UBE3C: variants seen among roughly 807,000 people sequenced by gnomAD.
UBE3C encodes the protein ubiquitin protein ligase E3C, also known as ubiquitin-protein ligase E3C.
A neutral mutation model predicts 129.4 loss-of-function variants in UBE3C; 42 were observed. That is an observed-to-expected ratio of 0.32 (90% CI 0.25 to 0.42). UBE3C has a LOEUF of 0.42. Among genes scored for constraint, UBE3C ranks in the 10% least tolerant of loss-of-function variants. The pLI, the probability that UBE3C is intolerant of heterozygous loss-of-function variation, is 1.00. For synonymous variants in UBE3C, 510 were observed against 492.4 expected (o/e 1.04, Z -0.47); for missense variants, 1,049 against 1,319.1 (o/e 0.80, Z 3.17).
intron 13 of UBE3C, among the ~76,000 whole-genome samples, chr7:157,209,871 T>A (rs1809540852): frequency 6.6e-6 from 1 of 152,238 alleles, no homozygotes; most frequent in South Asian, 2.1e-4. Context: ...ACTTTATTCA[T>A]CATTGAAAGT....
intron 1 of UBE3C, among the ~76,000 whole-genome samples, chr7:157,159,985 A>C (rs1808024719): frequency 2.0e-5 from 3 of 152,210 alleles, no homozygotes; most frequent in Non-Finnish European, 4.4e-5. Context: ...GATTATAAAC[A>C]GTTTCTTTTA....
chr7:157,233,390 G>C (rs1026315143), intron 18 of UBE3C, among the ~76,000 whole-genome samples: 6 of 152,126 alleles, frequency 3.9e-5, no homozygotes, highest in Non-Finnish European at 8.8e-5. Context: ...GAGGCCTCCT[G>C]CTTTCAGCCT....
intron 17 of UBE3C, among the ~76,000 whole-genome samples, chr7:157,226,312 A>G (rs1190671071): frequency 6.6e-6 from 1 of 152,200 alleles, no homozygotes; most frequent in African/African-American, 2.4e-5. Context: ...CTGTGATAGC[A>G]TTTGGAGCTC....
At chr7:157,160,951 G>A (rs989070042) in intron 1 of UBE3C, among the ~76,000 whole-genome samples, 3 of 152,060 alleles carry the variant, frequency 2.0e-5, no homozygotes, top group African/African-American at 4.8e-5. Context: ...TCCTTATTTC[G>A]TAACCTTACT....
Position 157,170,465 on chromosome 7 carries a change from C to A in UBE3C, c.342+15C>A. The stretch of plus-strand genomic sequence containing the variant: ...CAAAACGTTTGGTGAGTGTTAACTA[C>A]ATTTTCACTTGTCCTCGTTTACACG... On this transcript the variant is annotated intron_variant, in intron 4 of 22. Coordinates refer to ENST00000348165, the MANE Select transcript of UBE3C (RefSeq NM_014671.3). 6.6e-7 allele frequency: 1 copy of A among 1,515,150 alleles called. No individual in the cohort carries two copies. Among genetic ancestry groups the A allele is most frequent in the Non-Finnish European group, 8.8e-7 (1 of 1,136,124 alleles). 93.9% of individuals were successfully genotyped at this position (1,515,150 alleles called of 1,614,324 possible). A position where few individuals can be genotyped will look rare whatever the true frequency, so the allele number is the denominator to read the frequency against.
chr7:157,241,922 A>G (rs1267733518), intron 18 of UBE3C, among the ~76,000 whole-genome samples: 3 of 152,192 alleles, frequency 2.0e-5, no homozygotes, highest in African/African-American at 7.2e-5. Context: ...CACCAAAGAC[A>G]TGGTTCCATT....
intron 4 of UBE3C, among the ~76,000 whole-genome samples, chr7:157,171,692 T>A (rs1268777118): frequency 0.037 from 382 of 10,380 alleles, 2 homozygotes; most frequent in East Asian, 0.088. Flanking sequence ...ATATATTTTT[T>A]TTTTTTTTTT....
At position 157,182,256 on chromosome 7, in the gene UBE3C, A is replaced by G. The variant is rs374015092; in HGVS notation, c.919A>G (p.Arg307Gly). The change falls in exon 8 of 23, where the codon AGA (arginine) becomes GGA (glycine). Residue 307 changes from arginine (R) to glycine (G), a missense_variant. Around this residue, in one of 4 missense-constraint regions of UBE3C, gnomAD observed 489 missense variants for 513.8 expected, o/e 0.95. Transcript: ENST00000348165. ...FLNALLLIESRCSRKSGGAPW... is the reference protein window; with the variant it reads ...FLNALLLIESGCSRKSGGAPW... ...GAATGCACTGTTGTTAATAGAGAGT[A>G]GATGTTCAAGAAAGAGTGGTGGAGC... The G allele has an allele frequency of 5.3e-5, 85 of 1,614,128 alleles. No homozygotes were observed. The highest frequency in any genetic ancestry group is 6.9e-5 in the Non-Finnish European group (81 of 1,180,046).
intron 21 of UBE3C, among the ~76,000 whole-genome samples, chr7:157,255,597 A>G (rs1477173290): frequency 6.6e-6 from 1 of 152,178 alleles, no homozygotes; most frequent in Non-Finnish European, 1.5e-5. Context: ...GGTTGTTTTC[A>G]TTACCCATCT....
intron 1 of UBE3C, among the ~76,000 whole-genome samples, chr7:157,156,221 G>A (rs890897469): frequency 1.3e-5 from 2 of 151,662 alleles, no homozygotes; most frequent in Non-Finnish European, 2.9e-5. Context: ...ATAAGTACAT[G>A]GGTGATCATT....
chr7:157,234,433 C>T (rs1176637), intron 18 of UBE3C, among the ~76,000 whole-genome samples: 34 of 152,256 alleles, frequency 2.2e-4, no homozygotes, highest in Non-Finnish European at 4.4e-4. Context: ...TGGGTCTGCC[C>T]TTATGCAGTA....
chr7:157,247,373 TA>T (rs1455937218), intron 18 of UBE3C, among the ~76,000 whole-genome samples: 1 of 152,192 alleles, frequency 6.6e-6, no homozygotes. Context: ...CAAGGAATGG[TA>T]ACTGTTGTCT....
Position 157,254,338 on chromosome 7 carries a change from C to G in UBE3C, c.2950+28C>G, listed in dbSNP as rs553101888. 205 of 1,373,130 alleles carry G rather than the reference C, an allele frequency of 1.5e-4. 6 individuals carry two copies. In the South Asian group the frequency reaches 3.8e-3, roughly 25 times the overall value. 85.1% of individuals were successfully genotyped at this position (1,373,130 alleles called of 1,614,324 possible). A position where few individuals can be genotyped will look rare whatever the true frequency, so the allele number is the denominator to read the frequency against. ...ATGTTATCACTGCTAGTTATTGTTT[C>G]TGAAAATGTTGCAGGTGGTCATATT... is the stretch of plus-strand genomic sequence containing the variant. On this transcript the variant is annotated intron_variant, in intron 21 of 22. Coordinates refer to ENST00000348165, the MANE Select transcript of UBE3C (RefSeq NM_014671.3).
chr7:157,196,507 A>C (rs1282073241), intron 10 of UBE3C, among the ~76,000 whole-genome samples: 1 of 152,200 alleles, frequency 6.6e-6, no homozygotes, highest in Non-Finnish European at 1.5e-5. Flanking sequence ...CTTGTTCTGG[A>C]GAAGACGTTC....
At chr7:157,216,143 C>G (rs929404503) in intron 13 of UBE3C, among the ~76,000 whole-genome samples, 2 of 152,192 alleles carry the variant, frequency 1.3e-5, no homozygotes, top group East Asian at 1.9e-4. Flanking sequence ...ACTCCATTTG[C>G]TTACGTGAGG....
At chr7:157,174,544 G>A (rs943817832) in intron 4 of UBE3C, among the ~76,000 whole-genome samples, 6 of 151,926 alleles carry the variant, frequency 3.9e-5, no homozygotes, top group Non-Finnish European at 7.4e-5. Context: ...CCCACACCCC[G>A]CAAGTTCAAG....
chr7:157,147,542 C>G (rs1807640442), intron 1 of UBE3C, among the ~76,000 whole-genome samples: 1 of 152,070 alleles, frequency 6.6e-6, no homozygotes, highest in African/African-American at 2.4e-5. Flanking sequence ...CTAAGACCAT[C>G]AGAAAGCAAT....
intron 5 of UBE3C, among the ~76,000 whole-genome samples, chr7:157,178,412 T>C (rs1808581603): frequency 6.6e-6 from 1 of 152,260 alleles, no homozygotes; most frequent in African/African-American, 2.4e-5. Context: ...TTTTGTAATC[T>C]TTAATTTTTC....
At position 157,169,184 on chromosome 7, in the gene UBE3C, A is replaced by G. The variant is rs1808298783; in HGVS notation, c.195+62A>G. 3.9e-6 allele frequency: 5 copies of G among 1,279,820 alleles called. No homozygotes were observed. In the Admixed American group the frequency reaches 8.7e-5, roughly 22 times the overall value. 79.3% of individuals were successfully genotyped at this position (1,279,820 alleles called of 1,614,324 possible). On this transcript the variant is annotated intron_variant, in intron 3 of 22. Coordinates refer to ENST00000348165, the MANE Select transcript of UBE3C (RefSeq NM_014671.3). ...TGGGAGAGCTTATTTTAAATATGGT[A>G]TCTTTGTACACCTTGTTAATTGAAG...
Sources: allele counts gnomAD v4.1 joint callset (sites outside exome capture counted in the v4.1 genomes callset), GRCh38; gene constraint gnomAD v4.1.1; regional missense constraint gnomAD v4.1.1; transcripts MANE v1.5; gene names NCBI Gene and HGNC (gene_info 2026-07-23, HGNC 2026-07-21).